The following CAPZB variants were observed in gnomAD, a reference collection of about 807,000 sequenced individuals.
CAPZB encodes F-actin-capping protein subunit beta.
CAPZB carries 2 observed loss-of-function variants against 38.1 expected under a neutral mutation model. That is an observed-to-expected ratio of 0.05 (90% CI 0.02 to 0.17). CAPZB has a LOEUF of 0.17. Among genes scored for constraint, CAPZB ranks in the 10% least tolerant of loss-of-function variants. CAPZB has a pLI of 1.00. For missense variants in CAPZB, 161 were observed against 334.2 expected (o/e 0.48, Z 4.04); for synonymous variants, 107 against 127.4 (o/e 0.84, Z 1.08).
At chr1:19,350,093 T>A (rs1340565065) in intron 6 of CAPZB, among the ~76,000 whole-genome samples, 3 of 152,342 alleles carry the variant, frequency 2.0e-5, no homozygotes, top group African/African-American at 7.2e-5. Context: ...CTCCTCCCCA[T>A]GGCCCTAACA....
chr1:19,386,296 G>C (rs759197614), intron 2 of CAPZB, among the ~76,000 whole-genome samples: 5 of 152,174 alleles, frequency 3.3e-5, no homozygotes, highest in Non-Finnish European at 4.4e-5. Flanking sequence ...TTGCGACTCT[G>C]ACACAAGGCT....
rs370373114 is a variant in CAPZB at position 19,351,953 on chromosome 1, C to T, written c.588+4682G>A. Among the ~76,000 whole-genome samples, 10 of 152,318 alleles carry T rather than the reference C, an allele frequency of 6.6e-5. 1 individual carries two copies. On this transcript the variant is annotated intron_variant, in intron 6 of 8. Coordinates refer to ENST00000264202, the MANE Select transcript of CAPZB (RefSeq NM_004930.5). ...TCTCAGCCAGGCACTGGTCACTCCA[C>T]CCCAGGTCATCTGGCAAAAACCCAG...
chr1:19,462,154 T>A (rs1570339730), intron 1 of CAPZB, among the ~76,000 whole-genome samples: 2 of 145,770 alleles, frequency 1.4e-5, no homozygotes, highest in Non-Finnish European at 1.5e-5. Context: ...CCCATCTCTT[T>A]AAAAAAAAAA....
At chr1:19,391,167 C>T (rs1327261151) in intron 2 of CAPZB, among the ~76,000 whole-genome samples, 1 of 151,888 alleles carries the variant, frequency 6.6e-6, no homozygotes, top group Non-Finnish European at 1.5e-5. Flanking sequence ...GTGTTTGTGC[C>T]GCCATATGGT....
rs1175282272 is a variant in CAPZB at position 19,442,331 on chromosome 1, C to T, written c.4-22581G>A. On this transcript the variant is annotated intron_variant, in intron 1 of 8. Transcript: ENST00000264202. ...CCAGAGGATCTGATTCAAACTGATTCGAGCTGGGGAGTGGGGGGGCGTGGA... is the reference window on the plus strand; with the variant it reads ...CCAGAGGATCTGATTCAAACTGATTTGAGCTGGGGAGTGGGGGGGCGTGGA... Among the ~76,000 whole-genome samples, 4 of 152,182 alleles carry T rather than the reference C, an allele frequency of 2.6e-5. No individual in the cohort carries two copies. The East Asian group carries it at 5.8e-4, about 22-fold the overall frequency.
rs147607720 is a variant in CAPZB, at chr1:19,483,903, C to T, written c.3+1533G>A. On this transcript the variant is annotated intron_variant, in intron 1 of 8. Coordinates refer to ENST00000264202, the MANE Select transcript of CAPZB (RefSeq NM_004930.5). ...ACTCACCCTCGTTCAGCAGCAACAT[C>T]CCTTGACTAAACAAGGAACCATGGT... 2.0e-5 allele frequency among the ~76,000 whole-genome samples: 3 copies of T among 152,326 alleles called. No homozygotes were observed. In the East Asian group the frequency reaches 5.8e-4, roughly 29 times the overall value.
intron 2 of CAPZB, among the ~76,000 whole-genome samples, chr1:19,386,650 G>A (rs1025317257): frequency 1.6e-4 from 24 of 152,218 alleles, no homozygotes; most frequent in African/African-American, 5.8e-4. Flanking sequence ...CACCATCCAA[G>A]AGACAGGCAG....
At chr1:19,380,833 C>T (rs565253435) in intron 3 of CAPZB, among the ~76,000 whole-genome samples, 21 of 152,102 alleles carry the variant, frequency 1.4e-4, no homozygotes, top group Non-Finnish European at 2.4e-4. Flanking sequence ...TAGAACAGTG[C>T]CTGGCACTCA....
intron 4 of CAPZB, among the ~76,000 whole-genome samples, chr1:19,362,548 G>C (rs775928065): frequency 6.6e-6 from 1 of 152,148 alleles, no homozygotes; most frequent in Non-Finnish European, 1.5e-5. Context: ...TGCAGGCCTA[G>C]GACCAGGCGC....
chr1:19,344,600 G>A (rs911007924), intron 7 of CAPZB, among the ~76,000 whole-genome samples, 166 bp from the exon 8 acceptor site: 1 of 152,140 alleles, frequency 6.6e-6, no homozygotes, highest in Non-Finnish European at 1.5e-5. Context: ...GACCCCACCT[G>A]CCATCTGTGC....
chr1:19,355,076 A>G (rs1160158148), intron 6 of CAPZB, among the ~76,000 whole-genome samples: 1 of 152,212 alleles, frequency 6.6e-6, no homozygotes, highest in East Asian at 1.9e-4. Flanking sequence ...CAGGAGAGGC[A>G]GTGGAGCTTC....
intron 2 of CAPZB, among the ~76,000 whole-genome samples, chr1:19,390,973 C>T (rs6675077): frequency 0.064 from 9,766 of 152,160 alleles, 1,024 homozygotes; most frequent in African/African-American, 0.22. Flanking sequence ...ATAACTTGAC[C>T]GGAGCCACGC....
Position 19,339,636 on chromosome 1 carries a change from GT to G in CAPZB, c.732-20del. On this transcript the variant is annotated intron_variant, in intron 8 of 8. Transcript: ENST00000264202. ...CACAGACCTGCAAGGGAGGAAAGGC[GT>G]TATCAGCAGATTGAACAGGGACTGG... is the stretch of plus-strand genomic sequence containing the variant. 6.3e-7 allele frequency: 1 copy of G among 1,581,728 alleles called. No individual in the cohort carries two copies. The highest frequency in any genetic ancestry group is 8.7e-7 in the Non-Finnish European group (1 of 1,150,362).
chr1:19,447,134 GCTCT>G lies in CAPZB; in HGVS notation c.4-27388_4-27385del, dbSNP rs559618996. The stretch of plus-strand genomic sequence containing the variant: ...CCATCCCAGCCCTCACTGGGTGCAA[GCTCT>G]CTCTTTCTTCTATCATCCTTCTGCA... On this transcript the variant is annotated intron_variant, in intron 1 of 8. Coordinates refer to ENST00000264202, the MANE Select transcript of CAPZB (RefSeq NM_004930.5). Among the ~76,000 whole-genome samples, 26 of 152,262 alleles carry G rather than the reference GCTCT, an allele frequency of 1.7e-4. No individual in the cohort carries two copies. In the East Asian group the frequency reaches 1.9e-3, roughly 11 times the overall value.
chr1:19,347,133 A>T (rs7538975), intron 6 of CAPZB, among the ~76,000 whole-genome samples: 6,484 of 152,056 alleles, frequency 0.043, 461 homozygotes, highest in African/African-American at 0.14. Flanking sequence ...GAGCCACTGC[A>T]CCTGGCCGAC....
At chr1:19,401,030 T>G (rs998395730) in intron 2 of CAPZB, among the ~76,000 whole-genome samples, 16 of 152,072 alleles carry the variant, frequency 1.1e-4, no homozygotes, top group Non-Finnish European at 2.1e-4. Context: ...CTCCAGTAGC[T>G]CCATCTAAAA....
chr1:19,447,048 C>G (rs1183224945), intron 1 of CAPZB, among the ~76,000 whole-genome samples: 1 of 152,118 alleles, frequency 6.6e-6, no homozygotes, highest in African/African-American at 2.4e-5. Context: ...AATTACCACC[C>G]CACTGCCCAA....
intron 6 of CAPZB, among the ~76,000 whole-genome samples, chr1:19,349,080 A>G (rs1471967708): frequency 6.6e-6 from 1 of 152,096 alleles, no homozygotes; most frequent in Non-Finnish European, 1.5e-5. Context: ...CCTCGGCAGC[A>G]CTGGAGCGTC....
At chr1:19,358,715 G>A (rs1444550522) in intron 4 of CAPZB, among the ~76,000 whole-genome samples, 1 of 152,232 alleles carries the variant, frequency 6.6e-6, no homozygotes, top group Non-Finnish European at 1.5e-5. Context: ...CCCCAATTAA[G>A]CCCCAAAGAG....
Sources: allele counts gnomAD v4.1 joint callset (sites outside exome capture counted in the v4.1 genomes callset), GRCh38; gene constraint gnomAD v4.1.1; transcripts MANE v1.5; gene names NCBI Gene and HGNC (gene_info 2026-07-23, HGNC 2026-07-21).